Variants in JARID2 observed in about 807,000 individuals in gnomAD.
JARID2 encodes jumonji and AT-rich interaction domain containing 2.
JARID2 carries 21 observed loss-of-function variants against 125.6 expected under a neutral mutation model. The ratio of observed to expected loss-of-function variants is 0.17; its 90% CI spans 0.12 to 0.24. The LOEUF is 0.24. Ranked by LOEUF, JARID2 falls within the 10% of genes least tolerant of loss-of-function variation. JARID2 has a pLI of 1.00. For missense variants in JARID2, 1,303 were observed against 1,639.6 expected (o/e 0.79, Z 3.55); for synonymous variants, 736 against 661.6 (o/e 1.11, Z -1.73).
chr6:15,469,904 C>G (rs184164950), intron 5 of JARID2, among the ~76,000 whole-genome samples: 86 of 152,156 alleles, frequency 5.7e-4, no homozygotes, highest in African/African-American at 2.0e-3. Context: ...AGAGGCTGGG[C>G]GAGGTGGCTC....
At chr6:15,404,816 C>G (rs1402524050) in intron 2 of JARID2, among the ~76,000 whole-genome samples, 1 of 152,136 alleles carries the variant, frequency 6.6e-6, no homozygotes, top group Admixed American at 6.5e-5. Flanking sequence ...CCTTGTTTTT[C>G]CTTTCTTTTT....
chr6:15,350,851 C>T (rs1255310853), intron 1 of JARID2, among the ~76,000 whole-genome samples: 1 of 149,352 alleles, frequency 6.7e-6, no homozygotes. Context: ...CTTTTGATTG[C>T]AAAATAACTC....
chr6:15,507,993 A>C (rs1271435538), intron 11 of JARID2, among the ~76,000 whole-genome samples: 1 of 152,162 alleles, frequency 6.6e-6, no homozygotes, highest in African/African-American at 2.4e-5. Flanking sequence ...TCTGGCCCTG[A>C]TGGGGGTTTT....
rs761144319 is a variant in JARID2 at position 15,501,333 on chromosome 6, C to T, written c.2372C>T (p.Ala791Val). Residue 791 changes from alanine to valine, a missense_variant, in exon 8 of 18, where the codon GCT becomes GTT. By Grantham distance (64) the Ala-to-Val change is moderately conservative. Transcript: ENST00000341776. ...QLKTGRRRLFAQEKEVVKEEE... is the reference protein window; with the variant it reads ...QLKTGRRRLFVQEKEVVKEEE... Reference sequence around the variant, plus strand: ...AAGACTGGCCGGCGGCGACTCTTCGCTCAGGAAAAAGAAGTGGTCAAGGAA... The same window carrying T: ...AAGACTGGCCGGCGGCGACTCTTCGTTCAGGAAAAAGAAGTGGTCAAGGAA... 1 of 1,604,646 alleles carries T rather than the reference C, an allele frequency of 6.2e-7. No individual in the cohort carries two copies. The highest frequency in any genetic ancestry group is 8.5e-7 in the Non-Finnish European group (1 of 1,175,280).
intron 4 of JARID2, among the ~76,000 whole-genome samples, chr6:15,453,162 G>A (rs1263606810): frequency 2.0e-5 from 3 of 152,168 alleles, no homozygotes; most frequent in African/African-American, 7.2e-5. Flanking sequence ...TGGCCCCCAT[G>A]CAGTCCTCAA....
intron 16 of JARID2, among the ~76,000 whole-genome samples, chr6:15,515,748 CTT>C (rs977044785): frequency 2.9e-5 from 3 of 102,482 alleles, no homozygotes; most frequent in African/African-American, 8.3e-5. Context: ...CAACCTGTCT[CTT>C]TAAAAAAAAA....
At chr6:15,373,592 C>A (rs978076867) in intron 1 of JARID2, among the ~76,000 whole-genome samples, 2 of 152,188 alleles carry the variant, frequency 1.3e-5, no homozygotes, top group African/African-American at 2.4e-5. Flanking sequence ...GTGGCCAATG[C>A]GGATCCAATT....
intron 1 of JARID2, among the ~76,000 whole-genome samples, chr6:15,295,695 G>A (rs566336703): frequency 2.6e-5 from 4 of 152,164 alleles, no homozygotes; most frequent in African/African-American, 4.8e-5. Flanking sequence ...ACGGAGTCTC[G>A]CTCTGTCACC....
chr6:15,404,083 C>T (rs951977770), intron 2 of JARID2, among the ~76,000 whole-genome samples: 3 of 152,180 alleles, frequency 2.0e-5, no homozygotes, highest in African/African-American at 7.2e-5. Context: ...GCCTCGTTGA[C>T]CACAAGTGTG....
chr6:15,505,931 T>A (rs1186420358), intron 9 of JARID2, among the ~76,000 whole-genome samples: 1 of 152,252 alleles, frequency 6.6e-6, no homozygotes, highest in Non-Finnish European at 1.5e-5. Context: ...GGAAGAGGCC[T>A]TTATTGCCAA....
Position 15,520,502 on chromosome 6 carries a change from G to A in JARID2, c.*251G>A, listed in dbSNP as rs1478567331. Reference sequence around the variant, plus strand: ...CTGTTTTAAAAACCCCGGAGGGGCTGTATTAATTTGTATTGCCCCATGGCT... The same window carrying A: ...CTGTTTTAAAAACCCCGGAGGGGCTATATTAATTTGTATTGCCCCATGGCT... On this transcript the variant is annotated 3_prime_UTR_variant, in exon 18 of 18. Coordinates refer to ENST00000341776, the MANE Select transcript of JARID2 (RefSeq NM_004973.4). 7 of 383,708 alleles carry A rather than the reference G, an allele frequency of 1.8e-5. No individual in the cohort carries two copies. Among genetic ancestry groups the A allele is most frequent in the Non-Finnish European group, 3.3e-5 (7 of 212,322 alleles). The allele number at this position is 383,708 out of a possible 1,614,324, so 23.8% of individuals were successfully genotyped here.
chr6:15,514,958 AATG>A (rs1476615835), intron 16 of JARID2, among the ~76,000 whole-genome samples: 3 of 152,192 alleles, frequency 2.0e-5, no homozygotes, highest in African/African-American at 4.8e-5. Context: ...CTTAAAAGAA[AATG>A]ATGATAAGCA....
At chr6:15,405,964 C>T (rs1450739617) in intron 2 of JARID2, among the ~76,000 whole-genome samples, 1 of 152,000 alleles carries the variant, frequency 6.6e-6, no homozygotes, top group East Asian at 1.9e-4. Context: ...AGATTGGTCG[C>T]CAGCGGGGGG....
chr6:15,261,119 T>C (rs1381484967), intron 1 of JARID2, among the ~76,000 whole-genome samples: 1 of 152,208 alleles, frequency 6.6e-6, no homozygotes, highest in Admixed American at 6.5e-5. Context: ...AAACATTGTT[T>C]GCTTACAGTT....
In JARID2 at chr6:15,452,237, C is replaced by T. The variant is rs540079914; in HGVS notation, c.493+62C>T. 1.1e-4 allele frequency: 171 copies of T among 1,585,294 alleles called. No homozygotes were observed. The East Asian group carries it at 3.6e-3, about 33-fold the overall frequency. On this transcript the variant is annotated intron_variant, in intron 4 of 17. Coordinates refer to ENST00000341776, the MANE Select transcript of JARID2 (RefSeq NM_004973.4). ...AATCTACATGTAAGCCTGAGGTCTACGTGGAGTAACCTTAGCTTTACTCTC... is the reference window on the plus strand; with the variant it reads ...AATCTACATGTAAGCCTGAGGTCTATGTGGAGTAACCTTAGCTTTACTCTC...
intron 1 of JARID2, among the ~76,000 whole-genome samples, chr6:15,324,630 C>G (rs758289101): frequency 6.6e-6 from 1 of 151,366 alleles, no homozygotes; most frequent in Non-Finnish European, 1.5e-5. Context: ...GCGTGCACCA[C>G]CACGCCTGGC....
chr6:15,446,245 G>T (rs922509228), intron 3 of JARID2, among the ~76,000 whole-genome samples: 1 of 152,184 alleles, frequency 6.6e-6, no homozygotes, highest in African/African-American at 2.4e-5. Flanking sequence ...ACTTGGTAAG[G>T]CCTGTATATA....
intron 2 of JARID2, chr6:15,401,117 T>A: frequency 7.8e-7 from 1 of 1,285,406 alleles, no homozygotes; most frequent in South Asian, 1.2e-5. Context: ...GTTTCCCTGC[T>A]GGGGTCCTGA....
At chr6:15,333,924 G>A (rs1293519356) in intron 1 of JARID2, among the ~76,000 whole-genome samples, 2 of 152,206 alleles carry the variant, frequency 1.3e-5, no homozygotes, top group Non-Finnish European at 2.9e-5. Context: ...CTATCAGGAT[G>A]TTCTGGAGAA....
Sources: allele counts gnomAD v4.1 joint callset (sites outside exome capture counted in the v4.1 genomes callset), GRCh38; gene constraint gnomAD v4.1.1; transcripts MANE v1.5; gene names NCBI Gene and HGNC (gene_info 2026-07-23, HGNC 2026-07-21).